The following SERPING1 variants were observed in gnomAD, a reference collection of about 807,000 sequenced individuals.
The protein encoded by SERPING1 is serpin family G member 1.
Under a neutral mutation model 34.1 loss-of-function variants are expected in SERPING1, and 5 were observed. The ratio of observed to expected loss-of-function variants is 0.15; its 90% CI spans 0.08 to 0.31. SERPING1 has a LOEUF of 0.31. Ranked by LOEUF, SERPING1 falls within the 10% of genes least tolerant of loss-of-function variation. SERPING1 has a pLI of 1.00. For synonymous variants in SERPING1, 225 were observed against 242.4 expected, an observed-to-expected ratio of 0.93 and a Z score of 0.67; for missense variants, 505 against 609.5, an observed-to-expected ratio of 0.83 and a Z score of 1.81.
chr11:57,614,299 G>T, intron 7 of SERPING1, 29 bp from the exon 8 acceptor site: 1 of 1,611,642 alleles, frequency 6.2e-7, no homozygotes, highest in South Asian at 1.1e-5. Context: ...GCTGGCTTCT[G>T]ACTCTGTTTT....
At chr11:57,605,888 A>G (rs1945403433) in intron 4 of SERPING1, 122 bp from the exon 5 acceptor site, 1 of 972,632 alleles carries the variant, frequency 1.0e-6, no homozygotes, top group Non-Finnish European at 1.7e-6. Flanking sequence ...ACCGCGCTCC[A>G]CCATGCCGTA....
intron 1 of SERPING1, chr11:57,597,938 G>A: frequency 3.8e-6 from 1 of 265,730 alleles, no homozygotes; most frequent in Non-Finnish European, 7.1e-6. Flanking sequence ...CCTCCCCCAC[G>A]CCTCTGGCCT....
At chr11:57,613,487 C>A (rs1390345973) in intron 7 of SERPING1, among the ~76,000 whole-genome samples, 2 of 152,172 alleles carry the variant, frequency 1.3e-5, no homozygotes, top group Non-Finnish European at 2.9e-5. Flanking sequence ...GAGACACTTA[C>A]ATTTACTGGT....
intron 2 of SERPING1, among the ~76,000 whole-genome samples, chr11:57,598,810 G>A (rs1355636027): frequency 6.6e-6 from 1 of 152,150 alleles, no homozygotes; most frequent in African/African-American, 2.4e-5. Flanking sequence ...GCAAACATAC[G>A]TGGGTCTGGG....
intron 2 of SERPING1, among the ~76,000 whole-genome samples, chr11:57,599,356 C>T (rs1348359451): frequency 1.3e-5 from 2 of 152,120 alleles, no homozygotes; most frequent in African/African-American, 2.4e-5. Context: ...CTCTCCCTCC[C>T]TTCCTGCCTC....
At position 57,606,672 on chromosome 11, in the gene SERPING1, G is replaced by A. The variant is rs746620925; in HGVS notation, c.1029+125G>A. 1.1e-5 allele frequency: 11 copies of A among 987,456 alleles called. No homozygotes were observed. In the East Asian group the frequency reaches 1.2e-4, roughly 11 times the overall value. The allele number at this position is 987,456 out of a possible 1,614,324, so 61.2% of individuals were successfully genotyped here. On this transcript the variant is annotated intron_variant, in intron 6 of 7. Coordinates refer to ENST00000278407, the MANE Select transcript of SERPING1 (RefSeq NM_000062.3). ...TTCATCACTTCTACTCCTTCCATCT[G>A]TATTTCCACCCTATCTTTTCTCCTT...
chr11:57,613,681 G>A (rs1476963615), intron 7 of SERPING1, among the ~76,000 whole-genome samples: 1 of 152,160 alleles, frequency 6.6e-6, no homozygotes, highest in African/African-American at 2.4e-5. Flanking sequence ...TTTAGGAGAA[G>A]TCATCATGTA....
intron 5 of SERPING1, 77 bp downstream of exon 5, chr11:57,606,290 C>T: frequency 6.3e-7 from 1 of 1,598,910 alleles, no homozygotes; most frequent in Non-Finnish European, 8.6e-7. Context: ...CCACTTAACC[C>T]CAAGTTCTAC....
At position 57,600,214 on chromosome 11, in the gene SERPING1, C is replaced by G. The variant is rs534608647; in HGVS notation, c.387C>G (p.Leu129=). The G allele has an allele frequency of 1.6e-5, 26 of 1,613,916 alleles. No individual in the cohort carries two copies. Among genetic ancestry groups the G allele is most frequent in the Non-Finnish European group, 2.0e-5 (24 of 1,179,956 alleles). ...TGSFCPGPVT[L]CSDLESHSTE... is the part of the protein sequence containing the mutation. ...CCTTCTGCCCAGGACCTGTTACTCTCTGCTCTGACTTGGAGAGTCATTCAA... is the reference window on the plus strand; with the variant it reads ...CCTTCTGCCCAGGACCTGTTACTCTGTGCTCTGACTTGGAGAGTCATTCAA... Residue 129 remains leucine, a synonymous_variant, in exon 3 of 8, where the codon CTC becomes CTG. Transcript: ENST00000278407.
intron 6 of SERPING1, chr11:57,606,866 G>T (rs1375082469): frequency 3.4e-6 from 2 of 588,584 alleles, no homozygotes; most frequent in Non-Finnish European, 6.4e-6. Context: ...GACTCTGGTG[G>T]CTTAGCAAGT....
rs183507388 is a variant in SERPING1, at chr11:57,598,076, G to C, written c.-22-173G>C. On this transcript the variant is annotated intron_variant, in intron 1 of 7. Transcript: ENST00000278407. ...GGTGCCGGGAAAGGGAAGCGGTTTG[G>C]GGAAAACAAAACAGAGGGAGGAGCC... 801 of 591,966 alleles carry C rather than the reference G, an allele frequency of 1.4e-3. 4 individuals carry two copies. The African/African-American group carries it at 0.014, about 10-fold the overall frequency. The allele number at this position is 591,966 out of a possible 1,614,324, so 36.7% of individuals were successfully genotyped here. A position where few individuals can be genotyped will look rare whatever the true frequency, so the allele number is the denominator to read the frequency against.
intron 7 of SERPING1, among the ~76,000 whole-genome samples, chr11:57,613,956 T>C (rs897882671): frequency 3.3e-5 from 5 of 152,162 alleles, no homozygotes; most frequent in Non-Finnish European, 7.4e-5. Context: ...GATGCTCCTA[T>C]AGCATATTTT....
rs1945329940 is a variant in SERPING1, at chr11:57,600,061, A to T, written c.234A>T (p.Ile78=). Residue 78 remains isoleucine, a synonymous_variant, in exon 3 of 8, where the codon ATA becomes ATT. Transcript: ENST00000278407. ...CAACAACCAATTCAGCCACCAAAAT[A>T]ACAGCTAATACCACTGATGAACCCA... The part of the protein sequence containing the change: ...TNSTTNSATK[I]TANTTDEPTT... The T allele has an allele frequency of 6.2e-7, 1 of 1,613,858 alleles. No individual in the cohort carries two copies. Among genetic ancestry groups the T allele is most frequent in the African/African-American group, 1.3e-5 (1 of 74,882 alleles).
chr11:57,606,400 C>T lies in SERPING1; in HGVS notation c.890-8C>T, dbSNP rs267603017. On this transcript the variant is annotated splice_polypyrimidine_tract_variant and splice_region_variant and intron_variant, in intron 5 of 7. Transcript: ENST00000278407. ...CATTAGAGCAACCCTCCCACCTCTT[C>T]CCTCTAGCCAAGTGGAAGACAACAT... is the stretch of plus-strand genomic sequence containing the variant. 2.5e-6 allele frequency: 4 copies of T among 1,614,144 alleles called. No individual in the cohort carries two copies. The highest frequency in any genetic ancestry group is 4.5e-5 in the East Asian group (2 of 44,884).
At position 57,606,542 on chromosome 11, in the gene SERPING1, G is replaced by A; in HGVS notation, c.1024G>A (p.Ala342Thr). 3 of 1,614,138 alleles carry A rather than the reference G, an allele frequency of 1.9e-6. No homozygotes were observed. Among genetic ancestry groups the A allele is most frequent in the Non-Finnish European group, 2.5e-6 (3 of 1,180,044 alleles). The change falls in exon 6 of 8, where the codon GCC becomes ACC. Residue 342 changes from alanine to threonine, a missense_variant. By Grantham distance (58) the Ala-to-Thr change is moderately conservative. Coordinates refer to ENST00000278407, the MANE Select transcript of SERPING1 (RefSeq NM_000062.3). ...VAHFIDQTLK[A>T]KVGQLQLSHN... ...CCATTTCATTGACCAAACTTTGAAA[G>A]CCAAGGTAAGTTCTTAACCTTTCCT...
At chr11:57,611,178 ACC>A in intron 6 of SERPING1, 1 of 164,342 alleles carries the variant, frequency 6.1e-6, no homozygotes, top group Admixed American at 5.7e-5. Flanking sequence ...TGATCCGCCC[ACC>A]TCGGCCTCCC....
intron 4 of SERPING1, chr11:57,605,696 A>T (rs1945401094): frequency 2.5e-6 from 1 of 392,512 alleles, no homozygotes; most frequent in Admixed American, 3.7e-5. Flanking sequence ...GCCAAAATTA[A>T]GGGAAGAAAA....
rs577145808 is a variant in SERPING1 at position 57,605,805 on chromosome 11, C to A, written c.686-205C>A. Reference sequence around the variant, plus strand: ...CTGAGGCAGCGGAGGCTTGGGGCTACTTCTCTTGTTCTTGGTTCTGGGTTT... The same window carrying A: ...CTGAGGCAGCGGAGGCTTGGGGCTAATTCTCTTGTTCTTGGTTCTGGGTTT... On this transcript the variant is annotated intron_variant, in intron 4 of 7. Transcript: ENST00000278407. 138 of 638,170 alleles carry A rather than the reference C, an allele frequency of 2.2e-4. 2 individuals are homozygous for A. In the South Asian group the frequency reaches 2.4e-3, roughly 11 times the overall value. The allele number at this position is 638,170 out of a possible 1,614,324, so 39.5% of individuals were successfully genotyped here.
rs759037246 is a variant in SERPING1 at position 57,600,068 on chromosome 11, A to G, written c.241A>G (p.Asn81Asp). Residue 81 changes from asparagine (N) to aspartate (D), a missense_variant, in exon 3 of 8, where the codon AAT (asparagine) becomes GAT (aspartate). Coordinates refer to ENST00000278407, the MANE Select transcript of SERPING1 (RefSeq NM_000062.3). ...TTNSATKITA[N>D]TTDEPTTQPT... is the part of the protein sequence containing the mutation. Reference sequence around the variant, plus strand: ...CAATTCAGCCACCAAAATAACAGCTAATACCACTGATGAACCCACCACACA... The same window carrying G: ...CAATTCAGCCACCAAAATAACAGCTGATACCACTGATGAACCCACCACACA... 1.9e-6 allele frequency: 3 copies of G among 1,613,822 alleles called. No individual in the cohort carries two copies. Among genetic ancestry groups the G allele is most frequent in the African/African-American group, 1.3e-5 (1 of 74,902 alleles).
Sources: allele counts gnomAD v4.1 joint callset (sites outside exome capture counted in the v4.1 genomes callset), GRCh38; gene constraint gnomAD v4.1.1; transcripts MANE v1.5; gene names NCBI Gene and HGNC (gene_info 2026-07-23, HGNC 2026-07-21).